DOCK5: variants seen among roughly 807,000 people sequenced by gnomAD.
The protein encoded by DOCK5 is dedicator of cytokinesis protein 5.
Under a neutral mutation model 251.8 loss-of-function variants are expected in DOCK5, and 142 were observed. That is an observed-to-expected ratio of 0.56 (90% CI 0.49 to 0.65). The LOEUF (loss-of-function observed/expected upper bound fraction) is 0.65. DOCK5 is among the 30% of genes least tolerant of loss of function. The pLI is 0.00. For synonymous variants in DOCK5, 842 were observed against 835.5 expected, an observed-to-expected ratio of 1.01 and a Z score of -0.13; for missense variants, 2,111 against 2,312.3, an observed-to-expected ratio of 0.91 and a Z score of 1.79.
intron 47 of DOCK5, among the ~76,000 whole-genome samples, chr8:25,402,916 C>G (rs1278371513): frequency 6.6e-6 from 1 of 152,158 alleles, no homozygotes; most frequent in African/African-American, 2.4e-5. Context: ...TTCAGTCGTG[C>G]CTTCTTCCTA....
intron 6 of DOCK5, 125 bp from the exon 7 acceptor site, chr8:25,296,388 C>T: frequency 1.6e-6 from 2 of 1,233,382 alleles, no homozygotes; most frequent in Non-Finnish European, 1.1e-6. Flanking sequence ...ATGAGGTGTG[C>T]TTCCCTGGGC....
chr8:25,365,508 G>T (rs1800760606), intron 30 of DOCK5, among the ~76,000 whole-genome samples: 2 of 152,258 alleles, frequency 1.3e-5, no homozygotes, highest in Non-Finnish European at 2.9e-5. Flanking sequence ...ACTCCACAGA[G>T]TGGGAGCAGG....
chr8:25,360,151 GC>G (rs1800650840), intron 28 of DOCK5, among the ~76,000 whole-genome samples: 1 of 152,224 alleles, frequency 6.6e-6, no homozygotes, highest in South Asian at 2.1e-4. Flanking sequence ...GATGGCCAGT[GC>G]CCCCATGGAT....
intron 1 of DOCK5, among the ~76,000 whole-genome samples, chr8:25,191,786 T>C (rs1428373895): frequency 1.3e-5 from 2 of 151,266 alleles, no homozygotes; most frequent in Non-Finnish European, 3.0e-5. Context: ...ATATATTTAT[T>C]ATACTTTAAG....
intron 47 of DOCK5, among the ~76,000 whole-genome samples, chr8:25,401,927 A>C (rs1254302590): frequency 6.6e-6 from 1 of 152,168 alleles, no homozygotes; most frequent in Admixed American, 6.5e-5. Context: ...ATATGCATGT[A>C]GCTGCTTTCA....
chr8:25,332,562 TGAAA>T, intron 19 of DOCK5, 37 bp from the exon 20 acceptor site: 2 of 1,529,356 alleles, frequency 1.3e-6, no homozygotes, highest in African/African-American at 2.7e-5. Context: ...TGGGGCTGAA[TGAAA>T]GCATCAAAAT....
At chr8:25,404,261 T>C (rs1014374303) in intron 48 of DOCK5, among the ~76,000 whole-genome samples, 1 of 152,126 alleles carries the variant, frequency 6.6e-6, no homozygotes, top group Non-Finnish European at 1.5e-5. Flanking sequence ...TTTACTTTGC[T>C]TTTTTTCATT....
chr8:25,273,066 C>CATGGCGCAGTGGCGCAGTGGCGCA (rs140826061), intron 3 of DOCK5, among the ~76,000 whole-genome samples: 10 of 151,710 alleles, frequency 6.6e-5, no homozygotes, highest in African/African-American at 2.4e-4. Flanking sequence ...AATCATTTGC[C>CATGGCGCAGTGGCGCAGTGGCGCA]GTGGCGCAGT....
At chr8:25,379,851 CA>C (rs1801033134) in intron 38 of DOCK5, among the ~76,000 whole-genome samples, 3 of 122,474 alleles carry the variant, frequency 2.4e-5, no homozygotes, top group African/African-American at 9.2e-5. Context: ...ACTACACCTA[CA>C]CACACACACA....
rs1433297820 is a variant in DOCK5, at chr8:25,391,886, C to G, written c.4356-10C>G. On this transcript the variant is annotated splice_polypyrimidine_tract_variant and intron_variant, in intron 42 of 51. Coordinates refer to ENST00000276440, the MANE Select transcript of DOCK5 (RefSeq NM_024940.8). Reference sequence around the variant, plus strand: ...AGAGAAAAATACAGCATTGCTTTGTCCTTCTCCAGCTACTACAGAGCCAAT... The same window carrying G: ...AGAGAAAAATACAGCATTGCTTTGTGCTTCTCCAGCTACTACAGAGCCAAT... 6.2e-7 allele frequency: 1 copy of G among 1,613,230 alleles called. No homozygotes were observed. Among genetic ancestry groups the G allele is most frequent in the South Asian group, 1.1e-5 (1 of 90,938 alleles).
intron 2 of DOCK5, among the ~76,000 whole-genome samples, chr8:25,265,205 G>C (rs1415467926): frequency 6.6e-6 from 1 of 151,990 alleles, no homozygotes; most frequent in Non-Finnish European, 1.5e-5. Flanking sequence ...CCTCACCCCA[G>C]ACCAGTTAAA....
chr8:25,337,637 G>A (rs1278767194), intron 22 of DOCK5, among the ~76,000 whole-genome samples: 1 of 148,756 alleles, frequency 6.7e-6, no homozygotes, highest in Admixed American at 6.8e-5. Flanking sequence ...CCAGGCTGGA[G>A]TGCAGTGGTG....
chr8:25,231,793 C>G (rs2117520882), intron 1 of DOCK5, among the ~76,000 whole-genome samples: 1 of 152,196 alleles, frequency 6.6e-6, no homozygotes, highest in East Asian at 1.9e-4. Flanking sequence ...TAATATTTAA[C>G]AGTTCATTAT....
intron 5 of DOCK5, among the ~76,000 whole-genome samples, chr8:25,287,151 C>G (rs1345529663): frequency 1.3e-5 from 2 of 152,024 alleles, no homozygotes; most frequent in Non-Finnish European, 2.9e-5. Flanking sequence ...TATCTCTAGA[C>G]ATTCTAAAAA....
intron 45 of DOCK5, among the ~76,000 whole-genome samples, chr8:25,398,849 C>T (rs1801389738): frequency 6.6e-6 from 1 of 150,524 alleles, no homozygotes; most frequent in Non-Finnish European, 1.5e-5. Context: ...TTCTAAGGTA[C>T]CAGGCATTAG....
chr8:25,304,526 G>A, intron 11 of DOCK5, 199 bp downstream of exon 11: 1 of 492,896 alleles, frequency 2.0e-6, no homozygotes. Flanking sequence ...AGGGTAAACT[G>A]AACTTTCCTG....
intron 2 of DOCK5, 106 bp from the exon 3 acceptor site, chr8:25,268,739 T>G: frequency 1.1e-6 from 1 of 896,104 alleles, no homozygotes; most frequent in South Asian, 1.6e-5. Context: ...CTCTGTCAAC[T>G]GTTGTATCCC....
intron 5 of DOCK5, among the ~76,000 whole-genome samples, chr8:25,287,479 A>G (rs903878893): frequency 1.3e-5 from 2 of 152,190 alleles, no homozygotes; most frequent in Non-Finnish European, 2.9e-5. Flanking sequence ...GGCTTCAGGT[A>G]TCTCCGTATC....
intron 18 of DOCK5, among the ~76,000 whole-genome samples, chr8:25,330,262 A>G (rs753129080): frequency 6.6e-6 from 1 of 152,210 alleles, no homozygotes; most frequent in African/African-American, 2.4e-5. Context: ...CCTTAGGGCT[A>G]CTGGTTCCCT....
Sources: gnomAD v4.1 joint callset for allele counts (sites outside exome capture counted in the v4.1 genomes callset) on GRCh38, gnomAD v4.1.1 for gene constraint, MANE v1.5 for transcripts, NCBI Gene and HGNC (gene_info 2026-07-23, HGNC 2026-07-21) for gene names.